The following CPEB3 variants were observed in gnomAD, a reference collection of about 807,000 sequenced individuals.
CPEB3 encodes the protein cytoplasmic polyadenylation element binding protein 3, also known as cytoplasmic polyadenylation element-binding protein 3.
A neutral mutation model predicts 67.2 loss-of-function variants in CPEB3; 20 were observed. That is an observed-to-expected ratio of 0.30 (90% CI 0.21 to 0.43). The LOEUF (loss-of-function observed/expected upper bound fraction) is 0.43, where lower values mean the gene tolerates loss of function less well. Ranked by LOEUF, CPEB3 falls within the 20% of genes least tolerant of loss-of-function variation. The probability of loss-of-function intolerance (pLI) is 1.00; values close to 1 mark genes in which losing one functional copy is unlikely to be tolerated. For missense variants in CPEB3, 746 were observed against 968.6 expected (o/e 0.77, Z 3.05); for synonymous variants, 376 against 393.1 (o/e 0.96, Z 0.51).
intron 6 of CPEB3, among the ~76,000 whole-genome samples, chr10:92,127,828 A>C (rs1210643630): frequency 1.3e-5 from 2 of 152,180 alleles, no homozygotes; most frequent in East Asian, 3.9e-4. Context: ...ATAGGAGCTA[A>C]TGTTAGAAAA....
chr10:92,241,906 GTTAC>G (rs1187430910), intron 1 of CPEB3, among the ~76,000 whole-genome samples: 2 of 152,176 alleles, frequency 1.3e-5, no homozygotes, highest in Non-Finnish European at 2.9e-5. Flanking sequence ...ATTTAATGCA[GTTAC>G]TTAATTAACC....
At chr10:92,173,803 G>A (rs1037231533) in intron 4 of CPEB3, among the ~76,000 whole-genome samples, 4 of 152,078 alleles carry the variant, frequency 2.6e-5, no homozygotes, top group Non-Finnish European at 5.9e-5. Context: ...TTTGAAATTT[G>A]AGTACTTGGA....
rs1365126950 is a variant in CPEB3 at position 92,091,820 on chromosome 10, T to A, written c.1687+10A>T. The A allele has an allele frequency of 6.5e-7, 1 of 1,540,556 alleles. No homozygotes were observed. Among genetic ancestry groups the A allele is most frequent in the Admixed American group, 1.8e-5 (1 of 55,342 alleles). ...GGTTTTGTTGTTGTGGTATTACTATTTCCACTCACCAGCTCGAAGGGGTCG... is the reference window on the plus strand; with the variant it reads ...GGTTTTGTTGTTGTGGTATTACTATATCCACTCACCAGCTCGAAGGGGTCG... On this transcript the variant is annotated intron_variant, in intron 8 of 9. Transcript: ENST00000265997.
At chr10:92,199,245 G>C (rs1322689912) in intron 2 of CPEB3, among the ~76,000 whole-genome samples, 2 of 151,838 alleles carry the variant, frequency 1.3e-5, no homozygotes, top group African/African-American at 2.4e-5. Context: ...TCCAAAATTA[G>C]TCAGGCATGG....
chr10:92,239,840 G>A lies in CPEB3; in HGVS notation c.511C>T (p.Pro171Ser). The part of the protein sequence containing the change: ...QHHQQPPPPA[P>S]APQPAQPAQP... ...GCTGGCTGTGCCGGCTGCGGCGCGG[G>A]CGCAGGCGGCGGCGGCTGCTGGTGG... The change falls in exon 2 of 10, where the codon CCC becomes TCC. Residue 171 changes from proline (P) to serine (S), a missense_variant. Pro to Ser is a moderately conservative substitution (Grantham distance 74, BLOSUM62 -1). This residue lies in a region of CPEB3 where 643 missense variants were observed against 717.5 expected (regional missense o/e 0.90). Transcript: ENST00000265997. This position sits in a 1 kb window ranked among gnomAD's most constrained non-coding sequence, Gnocchi z 6.0. 3.3e-6 allele frequency: 5 copies of A among 1,507,782 alleles called. No individual in the cohort carries two copies. The highest frequency in any genetic ancestry group is 3.5e-6 in the Non-Finnish European group (4 of 1,129,294). The allele number at this position is 1,507,782 out of a possible 1,614,324, so 93.4% of individuals were successfully genotyped here.
chr10:92,249,074 T>G (rs1827041547), intron 1 of CPEB3, among the ~76,000 whole-genome samples: 1 of 144,838 alleles, frequency 6.9e-6, no homozygotes, highest in African/African-American at 2.6e-5. Context: ...GTGCTGCCAG[T>G]TTTATAAAAT....
At chr10:92,067,408 G>A (rs1373735417) in intron 9 of CPEB3, among the ~76,000 whole-genome samples, 1 of 152,124 alleles carries the variant, frequency 6.6e-6, no homozygotes, top group African/African-American at 2.4e-5. Flanking sequence ...GCTGAGGCAG[G>A]AGAATCTCTT....
At chr10:92,072,951 G>A (rs1336249999) in intron 9 of CPEB3, among the ~76,000 whole-genome samples, 4 of 150,724 alleles carry the variant, frequency 2.7e-5, no homozygotes, top group Non-Finnish European at 5.9e-5. Flanking sequence ...TAGTAAACAT[G>A]AGCCATAAGG....
chr10:92,254,979 AT>A (rs1035775299), intron 1 of CPEB3, among the ~76,000 whole-genome samples: 1 of 151,492 alleles, frequency 6.6e-6, no homozygotes, highest in Non-Finnish European at 1.5e-5. Flanking sequence ...AAGTGTTGGG[AT>A]TACAGGCATG....
intron 2 of CPEB3, chr10:92,216,444 T>C (rs944685710): frequency 1.2e-6 from 2 of 1,612,716 alleles, no homozygotes; most frequent in Admixed American, 1.7e-5. Context: ...GCGCAGCTCC[T>C]GGCTTCTCGC....
At chr10:92,172,512 C>T (rs1032271708) in intron 4 of CPEB3, among the ~76,000 whole-genome samples, 42 of 152,146 alleles carry the variant, frequency 2.8e-4, no homozygotes, top group Non-Finnish European at 6.0e-4. Flanking sequence ...ACCCAAGTGA[C>T]CTTTTGGGAA....
intron 2 of CPEB3, among the ~76,000 whole-genome samples, chr10:92,211,851 T>C (rs1390351263): frequency 6.6e-6 from 1 of 150,648 alleles, no homozygotes; most frequent in African/African-American, 2.4e-5. Flanking sequence ...CTCAAACATA[T>C]ATGTTCTAAG....
chr10:92,234,803 T>C (rs1233572565), intron 2 of CPEB3, among the ~76,000 whole-genome samples: 1 of 152,020 alleles, frequency 6.6e-6, no homozygotes, highest in African/African-American at 2.4e-5. Flanking sequence ...CACGCACCTG[T>C]AATCCCAGCT....
chr10:92,239,896 G>T lies in CPEB3; in HGVS notation c.455C>A (p.Ser152Tyr). The change falls in exon 2 of 10, where the codon TCC (serine) becomes TAC (tyrosine). Residue 152 changes from serine to tyrosine, a missense_variant. Physicochemically the swap from Ser to Tyr is moderately radical, Grantham distance 144. Transcript: ENST00000265997. This position sits in a 1 kb window ranked among gnomAD's most constrained non-coding sequence, Gnocchi z 6.0. ...HVNPVFGGTF[S>Y]PQIGLAQTQH... is the part of the protein sequence containing the mutation. ...GGTCTGCGCCAGGCCGATCTGCGGG[G>T]AGAAAGTGCCTCCGAAGACTGGGTT... 1 of 1,612,812 alleles carries T rather than the reference G, an allele frequency of 6.2e-7. No individual in the cohort carries two copies. The highest frequency in any genetic ancestry group is 8.5e-7 in the Non-Finnish European group (1 of 1,179,368).
At chr10:92,207,783 T>C (rs889231881) in intron 2 of CPEB3, among the ~76,000 whole-genome samples, 8 of 152,104 alleles carry the variant, frequency 5.3e-5, no homozygotes, top group Non-Finnish European at 8.8e-5. Flanking sequence ...GGCAGGAGAA[T>C]TGCTTGAACC....
intron 6 of CPEB3, among the ~76,000 whole-genome samples, chr10:92,114,268 A>T (rs1421778826): frequency 1.3e-5 from 2 of 152,232 alleles, no homozygotes; most frequent in Non-Finnish European, 2.9e-5. Flanking sequence ...CTTCAAGGTC[A>T]AGCAAACCCA....
intron 1 of CPEB3, among the ~76,000 whole-genome samples, chr10:92,250,562 C>T (rs1233565858): frequency 1.3e-5 from 2 of 152,140 alleles, no homozygotes; most frequent in Admixed American, 6.6e-5. Context: ...TAAAATCCTA[C>T]GCCTTCACAT....
chr10:92,249,952 T>G (rs7073862), intron 1 of CPEB3, among the ~76,000 whole-genome samples: 52,665 of 144,832 alleles, frequency 0.36, 10,481 homozygotes, highest in African/African-American at 0.54. Context: ...AACTTGGGAG[T>G]CGGAGGTTGC....
chr10:92,056,806 A>C (rs958473754), intron 9 of CPEB3, among the ~76,000 whole-genome samples: 6 of 152,210 alleles, frequency 3.9e-5, no homozygotes, highest in Non-Finnish European at 7.4e-5. Context: ...TCATGGCTCC[A>C]AAAGAGACCT....
Sources: allele counts gnomAD v4.1 joint callset (sites outside exome capture counted in the v4.1 genomes callset), GRCh38; gene constraint gnomAD v4.1.1; regional missense constraint gnomAD v4.1.1; non-coding constraint Gnocchi (gnomAD v3.1); transcripts MANE v1.5; gene names NCBI Gene and HGNC (gene_info 2026-07-23, HGNC 2026-07-21).